Variants in AMPH observed in about 807,000 individuals in gnomAD.
AMPH encodes the protein amphiphysin.
Under a neutral mutation model 99.1 loss-of-function variants are expected in AMPH, and 49 were observed. The ratio of observed to expected loss-of-function variants is 0.49; its 90% CI spans 0.39 to 0.63. The LOEUF is 0.63. AMPH is among the 20% of genes least tolerant of loss of function. AMPH has a pLI of 0.00. For synonymous variants in AMPH, 314 were observed against 317.3 expected (o/e 0.99, Z 0.11); for missense variants, 759 against 863.4 (o/e 0.88, Z 1.52).
At chr7:38,603,569 C>T (rs935363239) in intron 1 of AMPH, among the ~76,000 whole-genome samples, 1 of 152,198 alleles carries the variant, frequency 6.6e-6, no homozygotes, top group Non-Finnish European at 1.5e-5. Flanking sequence ...TACGAACGTA[C>T]ATGCTTCCAT....
At chr7:38,471,977 A>T (rs1371680491) in intron 7 of AMPH, among the ~76,000 whole-genome samples, 1 of 152,174 alleles carries the variant, frequency 6.6e-6, no homozygotes, top group Non-Finnish European at 1.5e-5. Context: ...AAAATACATT[A>T]AGCAAAAGCT....
chr7:38,580,800 C>A (rs960176781), intron 1 of AMPH, among the ~76,000 whole-genome samples: 3 of 152,038 alleles, frequency 2.0e-5, no homozygotes, highest in Non-Finnish European at 2.9e-5. Flanking sequence ...CCATTTATGC[C>A]CAAAGCACCT....
intron 1 of AMPH, among the ~76,000 whole-genome samples, chr7:38,546,756 G>A (rs903568102): frequency 1.1e-4 from 17 of 152,176 alleles, no homozygotes; most frequent in African/African-American, 3.9e-4. Context: ...ACACCTACCA[G>A]CCTTGCATAC....
At chr7:38,547,876 T>A (rs1791044540) in intron 1 of AMPH, among the ~76,000 whole-genome samples, 1 of 152,130 alleles carries the variant, frequency 6.6e-6, no homozygotes, top group Non-Finnish European at 1.5e-5. Flanking sequence ...ATATACAACT[T>A]ACAGAAATAG....
chr7:38,574,518 T>C (rs1250013012), intron 1 of AMPH, among the ~76,000 whole-genome samples: 1 of 152,218 alleles, frequency 6.6e-6, no homozygotes. Context: ...AAATGAGATT[T>C]GCAATTGCAG....
chr7:38,474,364 G>C (rs1788007209), intron 7 of AMPH, among the ~76,000 whole-genome samples: 1 of 152,194 alleles, frequency 6.6e-6, no homozygotes, highest in Admixed American at 6.5e-5. Context: ...GACTTTGGGT[G>C]ATGGCTGGAC....
At chr7:38,420,358 T>C (rs764638345) in intron 16 of AMPH, among the ~76,000 whole-genome samples, 14 of 152,218 alleles carry the variant, frequency 9.2e-5, no homozygotes, top group African/African-American at 1.4e-4. Flanking sequence ...CTGTGGGAAT[T>C]GTGCCCTACC....
intron 1 of AMPH, among the ~76,000 whole-genome samples, chr7:38,567,451 G>T (rs571770273): frequency 6.6e-6 from 1 of 152,224 alleles, no homozygotes; most frequent in Non-Finnish European, 1.5e-5. Flanking sequence ...ACGAGTTGAT[G>T]GGTGCAGCAA....
intron 11 of AMPH, among the ~76,000 whole-genome samples, chr7:38,456,117 A>G (rs1448474941): frequency 6.6e-6 from 1 of 152,138 alleles, no homozygotes; most frequent in Non-Finnish European, 1.5e-5. Flanking sequence ...GGCTGATGCT[A>G]CTGCTGCTAC....
rs941969479 is a variant in AMPH at position 38,384,925 on chromosome 7, C to T, written c.1981G>A (p.Asp661Asn). The change falls in exon 21 of 21, where the codon GAT (aspartate) becomes AAT (asparagine). Residue 661 changes from aspartate (D) to asparagine (N), a missense_variant and splice_region_variant. Asp to Asn is a conservative substitution (Grantham distance 23). This residue lies in a region of AMPH where 554 missense variants were observed against 575.6 expected (regional missense o/e 0.96). Transcript: ENST00000356264. ...VVPSDSEADQ[D>N]AGWLVGVKES... is the part of the protein sequence containing the mutation. ...TTCACTCCCACCAGCCAGCCTGCAT[C>T]CTGAAAAACAATGACAGAACTTTCA... is the stretch of plus-strand genomic sequence containing the variant. The T allele has an allele frequency of 3.1e-6, 5 of 1,613,042 alleles. No homozygotes were observed. The African/African-American group carries it at 4.0e-5, about 13-fold the overall frequency.
At chr7:38,429,004 CA>C (rs1424334537) in intron 14 of AMPH, 63 of 1,289,902 alleles carry the variant, frequency 4.9e-5, no homozygotes, top group Admixed American at 1.8e-4. Context: ...GCTTTCTCTT[CA>C]AATTCCTCTG....
rs1562860655 is a variant in AMPH at position 38,610,358 on chromosome 7, GA to G, written c.69+20924del. On this transcript the variant is annotated intron_variant, in intron 1 of 20. Coordinates refer to ENST00000356264, the MANE Select transcript of AMPH (RefSeq NM_001635.4). ...AAAAAGAAAAGAAAAGAAAAGAAAA[GA>G]AAAGAAAAGAAAAGAAAGGAAAGGA... Among the ~76,000 whole-genome samples, 47 of 35,726 alleles carry G rather than the reference GA, an allele frequency of 1.3e-3. 2 individuals carry two copies. The highest frequency in any genetic ancestry group is 3.0e-3 in the Admixed American group (11 of 3,614). The allele number at this position is 35,726 out of a possible 152,430, so 23.4% of individuals were successfully genotyped here. A position where few individuals can be genotyped will look rare whatever the true frequency, so the allele number is the denominator to read the frequency against.
intron 12 of AMPH, among the ~76,000 whole-genome samples, chr7:38,435,804 G>A (rs1167108095): frequency 1.3e-5 from 2 of 152,198 alleles, no homozygotes; most frequent in African/African-American, 4.8e-5. Context: ...GCATCATCAA[G>A]TTCAGAACGA....
At chr7:38,485,509 C>T (rs147706582) in intron 5 of AMPH, among the ~76,000 whole-genome samples, 1 of 151,804 alleles carries the variant, frequency 6.6e-6, no homozygotes, top group African/African-American at 2.4e-5. Flanking sequence ...AATAATAATA[C>T]AAAACCTTAA....
intron 1 of AMPH, among the ~76,000 whole-genome samples, chr7:38,565,681 G>A (rs932119159): frequency 2.0e-5 from 3 of 151,674 alleles, no homozygotes; most frequent in South Asian, 2.1e-4. Context: ...TATGAATTTG[G>A]GGGGTGGGGA....
At position 38,527,719 on chromosome 7, in the gene AMPH, C is replaced by T. The variant is rs559257132; in HGVS notation, c.150+7212G>A. On this transcript the variant is annotated intron_variant, in intron 2 of 20. Transcript: ENST00000356264. ...GAGTGTAATTTCTTTATGAGCTATA[C>T]GCCTTTTGTTTCCTTTCATTTTCCT... Among the ~76,000 whole-genome samples, 46 of 152,232 alleles carry T rather than the reference C, an allele frequency of 3.0e-4. 1 individual carries two copies. The Middle Eastern group carries it at 0.01, about 34-fold the overall frequency.
At chr7:38,616,134 T>C (rs1793862938) in intron 1 of AMPH, among the ~76,000 whole-genome samples, 1 of 152,180 alleles carries the variant, frequency 6.6e-6, no homozygotes, top group South Asian at 2.1e-4. Flanking sequence ...ACACCATGTG[T>C]ACATCTCCTC....
At chr7:38,385,175 T>G (rs549780242) in intron 20 of AMPH, among the ~76,000 whole-genome samples, 1 of 152,320 alleles carries the variant, frequency 6.6e-6, no homozygotes, top group African/African-American at 2.4e-5. Flanking sequence ...GTATAGCTAA[T>G]GCTTTGTACA....
chr7:38,432,109 C>A (rs1562750650), intron 13 of AMPH, 80 bp downstream of exon 13: 2 of 1,216,934 alleles, frequency 1.6e-6, no homozygotes, highest in Non-Finnish European at 2.5e-6. Flanking sequence ...CTTTCTGTTG[C>A]AAATGAAATA....
Sources: gnomAD v4.1 joint callset for allele counts (sites outside exome capture counted in the v4.1 genomes callset) on GRCh38, gnomAD v4.1.1 for gene constraint, gnomAD v4.1.1 regional missense constraint, MANE v1.5 for transcripts, NCBI Gene and HGNC (gene_info 2026-07-23, HGNC 2026-07-21) for gene names.